Variants in SPOCK3 observed in about 807,000 individuals in gnomAD.
SPOCK3 encodes the protein testican-3.
SPOCK3 carries 30 observed loss-of-function variants against 56.6 expected under a neutral mutation model. The ratio of observed to expected loss-of-function variants is 0.53; its 90% CI spans 0.40 to 0.72. The LOEUF is 0.72. Among genes scored for constraint, SPOCK3 ranks in the 30% least tolerant of loss-of-function variants. The pLI is 0.00. For synonymous variants in SPOCK3, 196 were observed against 183.3 expected (o/e 1.07, Z -0.56); for missense variants, 527 against 530.0 (o/e 0.99, Z 0.06).
chr4:167,218,465 T>C lies in SPOCK3; in HGVS notation c.189+15520A>G, dbSNP rs115692079. ...CTCCCAAGAATAAACATAAGACTTC[T>C]TGTAGCAAAGCCAGGTAGCTTTCAG... is the stretch of plus-strand genomic sequence containing the variant. On this transcript the variant is annotated intron_variant, in intron 2 of 10. Coordinates refer to ENST00000357545, the MANE Select transcript of SPOCK3 (RefSeq NM_001040159.2). Among the ~76,000 whole-genome samples the C allele has an allele frequency of 5.3e-3, 805 of 152,252 alleles. 12 individuals carry two copies. The highest frequency in any genetic ancestry group is 0.018 in the African/African-American group (762 of 41,564).
chr4:167,164,088 C>T (rs1210514715), intron 2 of SPOCK3, among the ~76,000 whole-genome samples: 1 of 151,878 alleles, frequency 6.6e-6, no homozygotes, highest in Non-Finnish European at 1.5e-5. Flanking sequence ...AAATACTAAA[C>T]CCAGAAAAAA....
At chr4:167,152,822 AAT>A (rs1054175533) in intron 2 of SPOCK3, among the ~76,000 whole-genome samples, 2 of 152,142 alleles carry the variant, frequency 1.3e-5, no homozygotes, top group South Asian at 2.1e-4. Flanking sequence ...TATTTATCAA[AAT>A]ATGTTTTTTA....
intron 6 of SPOCK3, among the ~76,000 whole-genome samples, chr4:166,802,320 G>A (rs974906369): frequency 1.3e-5 from 2 of 152,094 alleles, no homozygotes; most frequent in Non-Finnish European, 2.9e-5. Flanking sequence ...TGAATGAAGG[G>A]AAAAGGATCA....
intron 6 of SPOCK3, among the ~76,000 whole-genome samples, chr4:166,835,601 T>C (rs1746524499): frequency 6.6e-6 from 1 of 152,206 alleles, no homozygotes; most frequent in Non-Finnish European, 1.5e-5. Flanking sequence ...TTGTTCTGTA[T>C]TTTAGCTTCA....
At chr4:166,988,183 T>C (rs1201527672) in intron 4 of SPOCK3, among the ~76,000 whole-genome samples, 1 of 151,872 alleles carries the variant, frequency 6.6e-6, no homozygotes, top group Admixed American at 6.6e-5. Flanking sequence ...AAGAGGATGA[T>C]GAAGGTCGTG....
intron 2 of SPOCK3, among the ~76,000 whole-genome samples, chr4:167,163,824 G>A (rs1765526892): frequency 6.6e-6 from 1 of 152,076 alleles, no homozygotes; most frequent in Admixed American, 6.6e-5. Flanking sequence ...TATGATTCAA[G>A]TTAGTATGAT....
chr4:167,205,551 A>T (rs1414771674), intron 2 of SPOCK3, among the ~76,000 whole-genome samples: 10 of 57,178 alleles, frequency 1.7e-4, no homozygotes, highest in African/African-American at 7.3e-4. Context: ...ATATTATATA[A>T]TATATAATAT....
intron 2 of SPOCK3, among the ~76,000 whole-genome samples, chr4:167,144,969 T>G (rs947220648): frequency 4.6e-5 from 7 of 151,948 alleles, no homozygotes; most frequent in Admixed American, 1.3e-4. Flanking sequence ...AAAGCTCATT[T>G]TATTTTCAGA....
At chr4:166,825,528 A>G (rs1259504286) in intron 6 of SPOCK3, among the ~76,000 whole-genome samples, 4 of 152,078 alleles carry the variant, frequency 2.6e-5, no homozygotes, top group Admixed American at 6.6e-5. Flanking sequence ...TAGCAATCCC[A>G]CTACTGGGTA....
At chr4:166,747,974 T>G (rs1317362173) in intron 8 of SPOCK3, among the ~76,000 whole-genome samples, 2 of 151,754 alleles carry the variant, frequency 1.3e-5, no homozygotes, top group Non-Finnish European at 2.9e-5. Context: ...CACTGCTCAA[T>G]GAAATAAAAA....
chr4:166,799,691 A>T (rs1356056117), intron 6 of SPOCK3, among the ~76,000 whole-genome samples: 1 of 149,342 alleles, frequency 6.7e-6, no homozygotes, highest in East Asian at 2.0e-4. Context: ...GTAGATGAGG[A>T]TGACACTGAG....
intron 6 of SPOCK3, among the ~76,000 whole-genome samples, chr4:166,850,090 G>A (rs1458538106): frequency 6.6e-6 from 1 of 152,090 alleles, no homozygotes; most frequent in African/African-American, 2.4e-5. Context: ...TTTTTGCAGG[G>A]GTATATCCCA....
chr4:167,080,123 C>T (rs1324060808), intron 2 of SPOCK3, among the ~76,000 whole-genome samples: 1 of 151,998 alleles, frequency 6.6e-6, no homozygotes, highest in Admixed American at 6.6e-5. Flanking sequence ...ATTTTCCAAA[C>T]TTGAGTACTT....
At chr4:167,010,653 G>A (rs1044395854) in intron 3 of SPOCK3, among the ~76,000 whole-genome samples, 1 of 151,522 alleles carries the variant, frequency 6.6e-6, no homozygotes, top group Admixed American at 6.6e-5. Flanking sequence ...CATGTTGAAA[G>A]AACAACAAAA....
chr4:167,042,117 A>G (rs1400456413), intron 3 of SPOCK3, among the ~76,000 whole-genome samples: 17 of 152,156 alleles, frequency 1.1e-4, no homozygotes, highest in Non-Finnish European at 1.5e-5. Flanking sequence ...CAGATAACAC[A>G]ATGTACAGTC....
rs1272691845 is a variant in SPOCK3, at chr4:166,761,751, C to T, written c.710-7022G>A. Among the ~76,000 whole-genome samples, 2 of 6,660 alleles carry T rather than the reference C, an allele frequency of 3.0e-4. 1 individual carries two copies. Among genetic ancestry groups the T allele is most frequent in the Non-Finnish European group, 7.2e-4 (2 of 2,776 alleles). The allele number at this position is 6,660 out of a possible 152,430, so 4.4% of individuals were successfully genotyped here. ...CACACTCTGGGGACTGTGGTGGGGT[C>T]GGGGGAGGGGGGAGGGATAGCATTG... On this transcript the variant is annotated intron_variant, in intron 7 of 10. Coordinates refer to ENST00000357545, the MANE Select transcript of SPOCK3 (RefSeq NM_001040159.2).
intron 2 of SPOCK3, among the ~76,000 whole-genome samples, chr4:167,202,116 G>A (rs1439410904): frequency 6.6e-6 from 1 of 151,808 alleles, no homozygotes; most frequent in Non-Finnish European, 1.5e-5. Context: ...ACCACTGTTA[G>A]TACTACCTGC....
chr4:167,206,184 CA>C (rs2110989591), intron 2 of SPOCK3, among the ~76,000 whole-genome samples: 2 of 152,024 alleles, frequency 1.3e-5, no homozygotes, highest in South Asian at 4.1e-4. Flanking sequence ...ATTAGCTGAG[CA>C]TGGTGGTATG....
chr4:167,120,614 G>A (rs1157960388), intron 2 of SPOCK3, among the ~76,000 whole-genome samples: 1 of 151,986 alleles, frequency 6.6e-6, no homozygotes, highest in Non-Finnish European at 1.5e-5. Flanking sequence ...AAGAAATAAT[G>A]AAGAGGATTT....
Sources: gnomAD v4.1 joint callset for allele counts (sites outside exome capture counted in the v4.1 genomes callset) on GRCh38, gnomAD v4.1.1 for gene constraint, MANE v1.5 for transcripts, NCBI Gene and HGNC (gene_info 2026-07-23, HGNC 2026-07-21) for gene names.